The following HMCN2 variants were observed in gnomAD, a reference collection of about 807,000 sequenced individuals.
HMCN2 encodes hemicentin 2.
Under a neutral mutation model 377.5 loss-of-function variants are expected in HMCN2, and 325 were observed. That is an observed-to-expected ratio of 0.86 (90% CI 0.79 to 0.94). HMCN2 has a LOEUF of 0.94. HMCN2 is among the 40% of genes least tolerant of loss of function. The probability of loss-of-function intolerance (pLI) is 0.00; values close to 1 mark genes in which losing one functional copy is unlikely to be tolerated. For synonymous variants in HMCN2, 2,007 were observed against 2,046.8 expected (o/e 0.98, Z 0.53); for missense variants, 4,543 against 4,725.3 (o/e 0.96, Z 1.13).
intron 84 of HMCN2, among the ~76,000 whole-genome samples, chr9:130,409,308 A>G (rs1342821366): frequency 6.6e-6 from 1 of 152,230 alleles, no homozygotes; most frequent in Non-Finnish European, 1.5e-5. Flanking sequence ...ACAGACGAAG[A>G]CACTGAAGTT....
chr9:130,351,435 G>C lies in HMCN2; in HGVS notation c.4443G>C (p.Pro1481=), dbSNP rs541332916. ...EWTKDRQPVL[P]GGPHLQVQED... is the part of the protein sequence containing the mutation. ...CCCGTCTCTCCAGGCCTGTCCTTCC[G>C]GGAGGCCCTCACCTGCAGGTCCAGG... is the stretch of plus-strand genomic sequence containing the variant. The change falls in exon 30 of 98, where the codon CCG becomes CCC. Residue 1481 remains proline (P), a synonymous_variant. Transcript: ENST00000683500. The surrounding 1 kb of genome is among the most constrained non-coding windows in gnomAD (Gnocchi z 5.4). 1 of 1,303,880 alleles carries C rather than the reference G, an allele frequency of 7.7e-7. No individual in the cohort carries two copies. Among genetic ancestry groups the C allele is most frequent in the African/African-American group, 1.5e-5 (1 of 65,830 alleles). 80.8% of individuals were successfully genotyped at this position (1,303,880 alleles called of 1,614,324 possible). A position where few individuals can be genotyped will look rare whatever the true frequency, so the allele number is the denominator to read the frequency against.
chr9:130,432,402 C>T (rs1488196661), intron 96 of HMCN2, 27 bp from the exon 97 acceptor site: 3 of 1,550,898 alleles, frequency 1.9e-6, no homozygotes, highest in Non-Finnish European at 2.6e-6. Context: ...CATCTCCCTC[C>T]CCCGCTTCAC....
At chr9:130,337,675 C>G (rs1838825252) in intron 22 of HMCN2, among the ~76,000 whole-genome samples, 1 of 151,716 alleles carries the variant, frequency 6.6e-6, no homozygotes, top group Non-Finnish European at 1.5e-5. Context: ...CCAGTGGACT[C>G]CTAGTCCAGT....
intron 23 of HMCN2, among the ~76,000 whole-genome samples, chr9:130,340,376 G>T (rs974366240): frequency 6.6e-6 from 1 of 152,238 alleles, no homozygotes; most frequent in Non-Finnish European, 1.5e-5. Flanking sequence ...CTGGAGCAGG[G>T]TCCCTTGGCT....
chr9:130,309,632 A>G (rs1444735279), intron 14 of HMCN2, among the ~76,000 whole-genome samples: 1 of 151,332 alleles, frequency 6.6e-6, no homozygotes, highest in Non-Finnish European at 1.5e-5. Flanking sequence ...GGAGGAGTGG[A>G]CACCAGCGGG....
rs538323802 is a variant in HMCN2, at chr9:130,360,521, A to G, written c.5867A>G (p.Gln1956Arg). ...DGRVLRIEQA[Q>R]LSDAGSYRCV... ...AGAGTTCTCCGCATTGAGCAAGCCC[A>G]GCTTTCTGATGCTGGGAGCTACCGC... Residue 1956 changes from glutamine (Q) to arginine (R), a missense_variant, in exon 38 of 98, where the codon CAG (glutamine) becomes CGG (arginine). Gln to Arg is a conservative substitution (Grantham distance 43). Around this residue, in one of 5 missense-constraint regions of HMCN2, gnomAD observed 1,032 missense variants for 1,285.1 expected, o/e 0.80. Coordinates refer to ENST00000683500, the MANE Select transcript of HMCN2 (RefSeq NM_001291815.2). This position sits in a 1 kb window ranked among gnomAD's most constrained non-coding sequence, Gnocchi z 4.7. The G allele has an allele frequency of 1.5e-6, 2 of 1,304,180 alleles. No individual in the cohort carries two copies. The highest frequency in any genetic ancestry group is 2.0e-6 in the Non-Finnish European group (2 of 988,938). 80.8% of individuals were successfully genotyped at this position (1,304,180 alleles called of 1,614,324 possible).
chr9:130,416,100 A>ATTTT lies in HMCN2; in HGVS notation c.12962-2654_12962-2651dup, dbSNP rs34382467. 8.1e-4 allele frequency among the ~76,000 whole-genome samples: 106 copies of ATTTT among 130,688 alleles called. 1 individual carries two copies. Among genetic ancestry groups the ATTTT allele is most frequent in the Admixed American group, 1.2e-3 (15 of 12,268 alleles). 85.7% of individuals were successfully genotyped at this position (130,688 alleles called of 152,430 possible). On this transcript the variant is annotated intron_variant, in intron 85 of 97. Transcript: ENST00000683500. ...TCTTATCCAAAGTTCTAGAGGCTTT[A>ATTTT]TTTTTTTTTTTTTTTTTTTTTGGAG...
intron 1 of HMCN2, among the ~76,000 whole-genome samples, chr9:130,278,429 C>A (rs938438281): frequency 6.6e-6 from 1 of 151,708 alleles, no homozygotes; most frequent in African/African-American, 2.4e-5. Context: ...CGGCCGCCAT[C>A]ATTGTTTTTG....
chr9:130,371,034 T>C lies in HMCN2; in HGVS notation c.7140T>C (p.Thr2380=). ...NITAALHSPL[T]LLCEAMGIPP... ...CTGCTGCCTTGCACAGCCCCTTAAC[T>C]CTGCTCTGTGAAGCCATGGGGATCC... Residue 2380 remains threonine, a synonymous_variant, in exon 46 of 98, where the codon ACT becomes ACC. Transcript: ENST00000683500. 1 of 985,936 alleles carries C rather than the reference T, an allele frequency of 1.0e-6. No individual in the cohort carries two copies. The highest frequency in any genetic ancestry group is 1.2e-6 in the Non-Finnish European group (1 of 830,006). 61.1% of individuals were successfully genotyped at this position (985,936 alleles called of 1,614,324 possible).
At chr9:130,279,756 A>G (rs909846851) in intron 1 of HMCN2, among the ~76,000 whole-genome samples, 1 of 152,230 alleles carries the variant, frequency 6.6e-6, no homozygotes, top group Non-Finnish European at 1.5e-5. Context: ...GGGTAGAATG[A>G]TATCTTCCCA....
In HMCN2 at chr9:130,430,428, A is replaced by T; in HGVS notation, c.14471A>T (p.Asn4824Ile). 1 of 1,550,362 alleles carries T rather than the reference A, an allele frequency of 6.5e-7. No homozygotes were observed. The highest frequency in any genetic ancestry group is 1.2e-5 in the South Asian group (1 of 84,050). The change falls in exon 95 of 98, where the codon AAT (asparagine) becomes ATT (isoleucine). Residue 4824 changes from asparagine to isoleucine, a missense_variant. Transcript: ENST00000683500. ...ACTSLERNGQ[N>I]VTTVSHRGPL... ...ACCTCACTGGAGCGGAATGGACAAAATGTGACCACCGTCAGCCACCGAGGC... is the reference window on the plus strand; with the variant it reads ...ACCTCACTGGAGCGGAATGGACAAATTGTGACCACCGTCAGCCACCGAGGC...
At position 130,422,575 on chromosome 9, in the gene HMCN2, A is replaced by G; in HGVS notation, c.13232-2A>G. The G allele has an allele frequency of 2.3e-6, 3 of 1,314,542 alleles. No homozygotes were observed. The highest frequency in any genetic ancestry group is 2.9e-6 in the Non-Finnish European group (3 of 1,025,232). 81.4% of individuals were successfully genotyped at this position (1,314,542 alleles called of 1,614,324 possible). On this transcript the variant is annotated splice_acceptor_variant, in intron 86 of 97. Transcript: ENST00000683500. LOFTEE classifies it high-confidence loss of function. The surrounding 1 kb of genome is among the most constrained non-coding windows in gnomAD (Gnocchi z 4.2). ...CACTGTCATTCTTTCCCTTCCTTAC[A>G]GGGGAGCCCCAGGGGAGCTGGGGCA...
rs1009289359 is a variant in HMCN2, at chr9:130,400,881, G to T, written c.11704G>T (p.Val3902Leu). The change falls in exon 77 of 98, where the codon GTG (valine) becomes TTG (leucine). Residue 3902 changes from valine (V) to leucine (L), a missense_variant. This residue lies in a region of HMCN2 where 1,073 missense variants were observed against 1,319.5 expected (regional missense o/e 0.81). Transcript: ENST00000683500. ...CAGCACGGGTATACCAGCTCCGACCGTGTCCTGGAGCAAGGCAGGCGCCCA... is the reference window on the plus strand; with the variant it reads ...CAGCACGGGTATACCAGCTCCGACCTTGTCCTGGAGCAAGGCAGGCGCCCA... The part of the protein sequence containing the change: ...CHSTGIPAPT[V>L]SWSKAGAQLG... 7.8e-7 allele frequency: 1 copy of T among 1,289,302 alleles called. No individual in the cohort carries two copies. The highest frequency in any genetic ancestry group is 1.5e-5 in the African/African-American group (1 of 65,862). 79.9% of individuals were successfully genotyped at this position (1,289,302 alleles called of 1,614,324 possible). A position where few individuals can be genotyped will look rare whatever the true frequency, so the allele number is the denominator to read the frequency against.
intron 84 of HMCN2, among the ~76,000 whole-genome samples, chr9:130,410,359 T>C (rs1325190172): frequency 2.0e-5 from 3 of 152,194 alleles, no homozygotes; most frequent in East Asian, 1.9e-4. Flanking sequence ...CCCCCTGTTT[T>C]CGGGTGTGAA....
In HMCN2 at chr9:130,407,711, G is replaced by A; in HGVS notation, c.12688+6G>A. The A allele has an allele frequency of 8.2e-7, 1 of 1,215,814 alleles. No individual in the cohort carries two copies. The highest frequency in any genetic ancestry group is 1.4e-5 in the South Asian group (1 of 71,804). The allele number at this position is 1,215,814 out of a possible 1,614,324, so 75.3% of individuals were successfully genotyped here. ...CAGCTTCGTCCACGTGAAGGGTAGGGCACATTCCCCAGGTGGCTTCTCTCT... is the reference window on the plus strand; with the variant it reads ...CAGCTTCGTCCACGTGAAGGGTAGGACACATTCCCCAGGTGGCTTCTCTCT... On this transcript the variant is annotated splice_donor_region_variant and intron_variant, in intron 83 of 97. Transcript: ENST00000683500.
At chr9:130,339,491 A>T (rs1838936058) in intron 23 of HMCN2, among the ~76,000 whole-genome samples, 1 of 152,218 alleles carries the variant, frequency 6.6e-6, no homozygotes, top group South Asian at 2.1e-4. Flanking sequence ...ACACAGGAAC[A>T]GGGAGGCAGT....
chr9:130,273,179 T>G (rs182096359), intron 1 of HMCN2, among the ~76,000 whole-genome samples: 2,017 of 152,178 alleles, frequency 0.013, 16 homozygotes, highest in African/African-American at 0.02. Context: ...AAGATAGTTT[T>G]GGTTTTGTTA....
In HMCN2 at chr9:130,397,569, T is replaced by C. The variant is rs942466656; in HGVS notation, c.11240T>C (p.Val3747Ala). The C allele has an allele frequency of 1.6e-5, 20 of 1,289,696 alleles. No homozygotes were observed. In the African/African-American group the frequency reaches 3.0e-4, roughly 20 times the overall value. 79.9% of individuals were successfully genotyped at this position (1,289,696 alleles called of 1,614,324 possible). ...GAGGGTTCCCTGAGAATCCAGCCAGTCCTTGCCCAGGACGCCGGCCACTAC... is the reference window on the plus strand; with the variant it reads ...GAGGGTTCCCTGAGAATCCAGCCAGCCCTTGCCCAGGACGCCGGCCACTAC... ...LPEGSLRIQP[V>A]LAQDAGHYLC... Residue 3747 changes from valine (V) to alanine (A), a missense_variant, in exon 74 of 98, where the codon GTC becomes GCC. Physicochemically the swap from Val to Ala is moderately conservative, Grantham distance 64. Coordinates refer to ENST00000683500, the MANE Select transcript of HMCN2 (RefSeq NM_001291815.2).
intron 15 of HMCN2, among the ~76,000 whole-genome samples, 198 bp from the exon 16 acceptor site, chr9:130,319,297 C>T (rs2131395237): frequency 6.6e-6 from 1 of 152,320 alleles, no homozygotes; most frequent in Admixed American, 6.5e-5. Context: ...CCACGAGTCA[C>T]TCCCTCTGCC....
Sources: gnomAD v4.1 joint callset for allele counts (sites outside exome capture counted in the v4.1 genomes callset) on GRCh38, gnomAD v4.1.1 for gene constraint, gnomAD v4.1.1 regional missense constraint, Gnocchi (gnomAD v3.1) non-coding constraint, MANE v1.5 for transcripts, NCBI Gene and HGNC (gene_info 2026-07-23, HGNC 2026-07-21) for gene names.